RBMXL3: variants seen among roughly 807,000 people sequenced by gnomAD.
The protein encoded by RBMXL3 is RBMX like 3, also known as RNA-binding motif protein, X-linked-like-3.
A neutral mutation model predicts 0.8 loss-of-function variants in RBMXL3; 2 were observed. That is an observed-to-expected ratio of 2.54 (90% CI 1.04 to 8.00). RBMXL3 has a LOEUF of 8.00. Ranked by LOEUF, RBMXL3 falls within the 30% of genes most tolerant of loss-of-function variation. The pLI, the probability that RBMXL3 is intolerant of heterozygous loss-of-function variation, is 0.04. For missense variants in RBMXL3, 1,127 were observed against 1,068.0 expected (o/e 1.06, Z -0.77); for synonymous variants, 447 against 449.8 (o/e 0.99, Z 0.08).
chrX:115,191,896 G>A lies in RBMXL3; in HGVS notation c.2455G>A (p.Glu819Lys), dbSNP rs781895062. ...CCCCTGCAGAGGAGGAGGCCGCTAC[G>A]AGGAGAACCGAGGTCACTCTCTCGA... The part of the protein sequence containing the change: ...NDPCRGGGRY[E>K]ENRGHSLDAN... The change falls in exon 1 of 1, where the codon GAG becomes AAG. Residue 819 changes from glutamate to lysine, a missense_variant. Coordinates refer to ENST00000424776, the MANE Select transcript of RBMXL3 (RefSeq NM_001145346.2). 1.4e-5 allele frequency: 16 copies of A among 1,165,414 alleles called. No individual in the cohort carries two copies. Among genetic ancestry groups the A allele is most frequent in the Middle Eastern group, 2.3e-4 (1 of 4,299 alleles).
rs1457591766 is a variant in RBMXL3 at position 115,192,211 on chromosome X, T to C, written c.2770T>C (p.Tyr924His). The C allele has an allele frequency of 8.6e-7, 1 of 1,159,522 alleles. No individual in the cohort carries two copies. The highest frequency in any genetic ancestry group is 1.9e-5 in the African/African-American group (1 of 53,612). ...ATACCAAGGCCGCTCGCCCAATGCC[T>C]ACGGCGGGGGCCGCGGCCTCAACAG... ...EEYQGRSPNA[Y>H]GGGRGLNSSN... Residue 924 changes from tyrosine (Y) to histidine (H), a missense_variant, in exon 1 of 1, where the codon TAC becomes CAC. Tyr to His is a moderately conservative substitution (Grantham distance 83). Coordinates refer to ENST00000424776, the MANE Select transcript of RBMXL3 (RefSeq NM_001145346.2).
Position 115,191,214 on chromosome X carries a change from C to T in RBMXL3, c.1773C>T (p.Tyr591=), listed in dbSNP as rs782337296. Residue 591 remains tyrosine (Y), a synonymous_variant, in exon 1 of 1, where the codon TAC becomes TAT. Coordinates refer to ENST00000424776, the MANE Select transcript of RBMXL3 (RefSeq NM_001145346.2). ...QSNRYGGGGC[Y]EEYRGRSLDA... is the part of the protein sequence containing the mutation. ...ACCGCTACGGAGGAGGAGGCTGCTA[C>T]GAGGAGTACCGAGGCCGCTCCCTCG... The T allele has an allele frequency of 5.8e-5, 66 of 1,146,409 alleles. No homozygotes were observed. In the South Asian group the frequency reaches 6.4e-4, roughly 11 times the overall value. The allele number at this position is 1,146,409 out of a possible 1,213,427, so 94.5% of individuals were successfully genotyped here.
At position 115,189,760 on chromosome X, in the gene RBMXL3, T is replaced by G; in HGVS notation, c.319T>G (p.Phe107Val). The change falls in exon 1 of 1, where the codon TTC becomes GTC. Residue 107 changes from phenylalanine (F) to valine (V), a missense_variant. Coordinates refer to ENST00000424776, the MANE Select transcript of RBMXL3 (RefSeq NM_001145346.2). Reference protein sequence around the residue: ...PTPGSGSRSRFSHRTRGGGSS... With the variant: ...PTPGSGSRSRVSHRTRGGGSS... ...CCCCGGCAGCGGCAGTCGCTCAAGG[T>G]TCTCACACAGAACCCGTGGGGGTGG... 8.6e-7 allele frequency: 1 copy of G among 1,166,640 alleles called. No homozygotes were observed. The highest frequency in any genetic ancestry group is 2.6e-5 in the Admixed American group (1 of 38,814).
chrX:115,192,331 C>T lies in RBMXL3; in HGVS notation c.2890C>T (p.Arg964Cys), dbSNP rs782029539. The T allele has an allele frequency of 4.2e-5, 45 of 1,079,756 alleles. No individual in the cohort carries two copies. The highest frequency in any genetic ancestry group is 3.7e-4 in the African/African-American group (20 of 53,656). The allele number at this position is 1,079,756 out of a possible 1,213,427, so 89.0% of individuals were successfully genotyped here. The change falls in exon 1 of 1, where the codon CGC becomes TGC. Residue 964 changes from arginine (R) to cysteine (C), a missense_variant. Transcript: ENST00000424776. Reference protein sequence around the residue: ...GPSPDAHSGGRDSSIKSYGLS... With the variant: ...GPSPDAHSGGCDSSIKSYGLS... Reference sequence around the variant, plus strand: ...CTCGCCTGACGCCCACAGTGGGGGCCGCGACAGTTCCATCAAGAGTTACGG... The same window carrying T: ...CTCGCCTGACGCCCACAGTGGGGGCTGCGACAGTTCCATCAAGAGTTACGG...
rs1343663563 is a variant in RBMXL3, at chrX:115,189,673, G to A, written c.232G>A (p.Ala78Thr). Residue 78 changes from alanine to threonine, a missense_variant, in exon 1 of 1, where the codon GCC becomes ACC. Coordinates refer to ENST00000424776, the MANE Select transcript of RBMXL3 (RefSeq NM_001145346.2). ...GAACGGCAAGTACCTGGATGGTAAGGCCATCATGGTGGCCCAGACCATCAA... is the reference window on the plus strand; with the variant it reads ...GAACGGCAAGTACCTGGATGGTAAGACCATCATGGTGGCCCAGACCATCAA... The part of the protein sequence containing the change: ...DMNGKYLDGK[A>T]IMVAQTIKPA... The A allele has an allele frequency of 3.4e-6, 4 of 1,167,332 alleles. No homozygotes were observed. The highest frequency in any genetic ancestry group is 4.6e-6 in the Non-Finnish European group (4 of 873,118).
Position 115,190,774 on chromosome X carries a change from A to G in RBMXL3, c.1333A>G (p.Arg445Gly), listed in dbSNP as rs1556558124. The change falls in exon 1 of 1, where the codon AGG (arginine) becomes GGG (glycine). Residue 445 changes from arginine to glycine, a missense_variant. Coordinates refer to ENST00000424776, the MANE Select transcript of RBMXL3 (RefSeq NM_001145346.2). ...SGGRSTDAHS[R>G]GRSDDAYSGG... ...GGGCCGCTCCACTGATGCCCACAGC[A>G]GGGGCCGGTCCGACGACGCCTACAG... The G allele has an allele frequency of 2.6e-6, 3 of 1,163,721 alleles. No homozygotes were observed. The highest frequency in any genetic ancestry group is 3.4e-6 in the Non-Finnish European group (3 of 871,733).
Position 115,191,087 on chromosome X carries a change from G to A in RBMXL3, c.1646G>A (p.Gly549Glu), listed in dbSNP as rs1569515868. Reference sequence around the variant, plus strand: ...TACGGCCAGAGCCACCGCTATGGAGGAGAAGGCCGCTATGAGTACCGAGGC... The same window carrying A: ...TACGGCCAGAGCCACCGCTATGGAGAAGAAGGCCGCTATGAGTACCGAGGC... Reference protein sequence around the residue: ...NSYGQSHRYGGEGRYEYRGRS... With the variant: ...NSYGQSHRYGEEGRYEYRGRS... Residue 549 changes from glycine to glutamate, a missense_variant, in exon 1 of 1, where the codon GGA becomes GAA. Coordinates refer to ENST00000424776, the MANE Select transcript of RBMXL3 (RefSeq NM_001145346.2). 2 of 1,166,297 alleles carry A rather than the reference G, an allele frequency of 1.7e-6. No homozygotes were observed. The highest frequency in any genetic ancestry group is 2.3e-6 in the Non-Finnish European group (2 of 872,696).
In RBMXL3 at chrX:115,190,863, C is replaced by A; in HGVS notation, c.1422C>A (p.Tyr474Ter). ...GAGGAGGAGGCCGTTATGAGGAGTA[C>A]CAAGGCCGCTCGCTGGATGCCAACA... ...CCGGGGRYEE[Y>*]QGRSLDANSG... Residue 474 changes from tyrosine to a stop codon, truncating the protein, a stop_gained, in exon 1 of 1, where the codon TAC (tyrosine) becomes TAA (stop). Transcript: ENST00000424776. LOFTEE classifies it low-confidence loss of function (END_TRUNC). The A allele has an allele frequency of 8.6e-7, 1 of 1,156,415 alleles. No individual in the cohort carries two copies. The highest frequency in any genetic ancestry group is 1.2e-6 in the Non-Finnish European group (1 of 866,671).
Position 115,189,467 on chromosome X carries a change from A to C in RBMXL3, c.26A>C (p.Lys9Thr). MMEADRPEKLFIGGLNLKT... is the reference protein window; with the variant it reads MMEADRPETLFIGGLNLKT... The stretch of plus-strand genomic sequence containing the variant: ...ATGATGGAAGCGGATCGCCCAGAGA[A>C]GCTTTTCATTGGGGGCCTCAACCTC... The change falls in exon 1 of 1, where the codon AAG (lysine) becomes ACG (threonine). Residue 9 changes from lysine to threonine, a missense_variant. Lys to Thr is a moderately conservative substitution (Grantham distance 78). Coordinates refer to ENST00000424776, the MANE Select transcript of RBMXL3 (RefSeq NM_001145346.2). 1 of 1,177,181 alleles carries C rather than the reference A, an allele frequency of 8.5e-7. No individual in the cohort carries two copies. Among genetic ancestry groups the C allele is most frequent in the Non-Finnish European group, 1.1e-6 (1 of 877,370 alleles).
Position 115,192,161 on chromosome X carries a change from A to T in RBMXL3, c.2720A>T (p.Tyr907Phe). ...AACAGCTATGGCCGGAGTGACCATT[A>T]CGGAAGAGGAGGCTGCTACGAGGAA... Reference protein sequence around the residue: ...FSNSYGRSDHYGRGGCYEEYQ... With the variant: ...FSNSYGRSDHFGRGGCYEEYQ... The change falls in exon 1 of 1, where the codon TAC becomes TTC. Residue 907 changes from tyrosine (Y) to phenylalanine (F), a missense_variant. By Grantham distance (22) the Tyr-to-Phe change is conservative (BLOSUM62 3). Transcript: ENST00000424776. 1 of 1,166,826 alleles carries T rather than the reference A, an allele frequency of 8.6e-7. No homozygotes were observed. Among genetic ancestry groups the T allele is most frequent in the Non-Finnish European group, 1.1e-6 (1 of 872,846 alleles).
chrX:115,191,989 G>A lies in RBMXL3; in HGVS notation c.2548G>A (p.Asp850Asn), dbSNP rs938724156. The A allele has an allele frequency of 2.7e-5, 31 of 1,154,464 alleles. No individual in the cohort carries two copies. Among genetic ancestry groups the A allele is most frequent in the African/African-American group, 3.8e-5 (2 of 52,736 alleles). Reference sequence around the variant, plus strand: ...CCGTGACAGTTCCAGCAACAGTTACGACCGGAGCCACCGCTATGGAGGAGG... The same window carrying A: ...CCGTGACAGTTCCAGCAACAGTTACAACCGGAGCCACCGCTATGGAGGAGG... Reference protein sequence around the residue: ...GGRDSSSNSYDRSHRYGGGGH... With the variant: ...GGRDSSSNSYNRSHRYGGGGH... Residue 850 changes from aspartate (D) to asparagine (N), a missense_variant, in exon 1 of 1, where the codon GAC (aspartate) becomes AAC (asparagine). By Grantham distance (23) the Asp-to-Asn change is conservative. Transcript: ENST00000424776.
Position 115,192,507 on chromosome X carries a change from T to A in RBMXL3, c.3066T>A (p.Asp1022Glu). 8.5e-7 allele frequency: 1 copy of A among 1,169,863 alleles called. No homozygotes were observed. The highest frequency in any genetic ancestry group is 1.1e-6 in the Non-Finnish European group (1 of 874,398). ...SRGRDRVGRP[D>E]RGLPLPMETG... ...GTCGAGACCGGGTAGGCAGACCGGA[T>A]CGTGGGCTCCCTCTGCCCATGGAAA... The change falls in exon 1 of 1, where the codon GAT becomes GAA. Residue 1022 changes from aspartate (D) to glutamate (E), a missense_variant. Physicochemically the swap from Asp to Glu is conservative, Grantham distance 45. Coordinates refer to ENST00000424776, the MANE Select transcript of RBMXL3 (RefSeq NM_001145346.2).
rs56309245 is a variant in RBMXL3 at position 115,190,760 on chromosome X, C to T, written c.1319C>T (p.Thr440Ile). ...GAGGCCCGCAGCGGGGGCCGCTCCA[C>T]TGATGCCCACAGCAGGGGCCGGTCC... ...SHEARSGGRSTDAHSRGRSDD... is the reference protein window; with the variant it reads ...SHEARSGGRSIDAHSRGRSDD... The change falls in exon 1 of 1, where the codon ACT (threonine) becomes ATT (isoleucine). Residue 440 changes from threonine (T) to isoleucine (I), a missense_variant. Transcript: ENST00000424776. 8.7e-7 allele frequency: 1 copy of T among 1,153,941 alleles called. No homozygotes were observed.
At position 115,192,646 on chromosome X, in the gene RBMXL3, G is replaced by A. The variant is rs896220757; in HGVS notation, c.*1G>A. ...GGGGGAAGGCCGGAGCAGATACTAAGCAGGAACAGACTTGGGCCCAAAAAT... is the reference window on the plus strand; with the variant it reads ...GGGGGAAGGCCGGAGCAGATACTAAACAGGAACAGACTTGGGCCCAAAAAT... On this transcript the variant is annotated 3_prime_UTR_variant, in exon 1 of 1. Transcript: ENST00000424776. 4 of 1,167,928 alleles carry A rather than the reference G, an allele frequency of 3.4e-6. No homozygotes were observed. Among genetic ancestry groups the A allele is most frequent in the South Asian group, 1.9e-5 (1 of 52,772 alleles).
Position 115,190,539 on chromosome X carries a change from T to C in RBMXL3, c.1098T>C (p.Tyr366=), listed in dbSNP as rs1207448089. The change falls in exon 1 of 1, where the codon TAT becomes TAC. Residue 366 remains tyrosine, a synonymous_variant. Coordinates refer to ENST00000424776, the MANE Select transcript of RBMXL3 (RefSeq NM_001145346.2). ...AYSRDHSPKA[Y]SGGRSSSSNG... ...GCAGGGACCACTCGCCCAAAGCCTA[T>C]AGTGGGGGCCGCAGCAGTTCCAGTA... 7.3e-5 allele frequency: 84 copies of C among 1,155,513 alleles called. No individual in the cohort carries two copies. Among genetic ancestry groups the C allele is most frequent in the Non-Finnish European group, 9.0e-5 (78 of 867,970 alleles).
chrX:115,189,646 A>C lies in RBMXL3; in HGVS notation c.205A>C (p.Met69Leu). Residue 69 changes from methionine (M) to leucine (L), a missense_variant, in exon 1 of 1, where the codon ATG becomes CTG. Coordinates refer to ENST00000424776, the MANE Select transcript of RBMXL3 (RefSeq NM_001145346.2). Reference sequence around the variant, plus strand: ...AGACGCCAAGGCTGCCGCCAGAGATATGAACGGCAAGTACCTGGATGGTAA... The same window carrying C: ...AGACGCCAAGGCTGCCGCCAGAGATCTGAACGGCAAGTACCTGGATGGTAA... ...PADAKAAARD[M>L]NGKYLDGKAI... 1 of 1,168,754 alleles carries C rather than the reference A, an allele frequency of 8.6e-7. No individual in the cohort carries two copies. The highest frequency in any genetic ancestry group is 1.1e-6 in the Non-Finnish European group (1 of 873,339).
At position 115,189,477 on chromosome X, in the gene RBMXL3, T is replaced by TG; in HGVS notation, c.41dup (p.Leu15ProfsTer63). 1.7e-6 allele frequency: 2 copies of TG among 1,179,408 alleles called. No homozygotes were observed. The highest frequency in any genetic ancestry group is 2.3e-6 in the Non-Finnish European group (2 of 878,497). On this transcript the variant is annotated frameshift_variant, in exon 1 of 1. Transcript: ENST00000424776. LOFTEE classifies it low-confidence loss of function (END_TRUNC). ...CGGATCGCCCAGAGAAGCTTTTCAT[T>TG]GGGGGCCTCAACCTCAAAACCGACG...
At position 115,190,086 on chromosome X, in the gene RBMXL3, C is replaced by T. The variant is rs1556556786; in HGVS notation, c.645C>T (p.Arg215=). 19 of 1,154,384 alleles carry T rather than the reference C, an allele frequency of 1.6e-5. No homozygotes were observed. Among genetic ancestry groups the T allele is most frequent in the Non-Finnish European group, 2.2e-5 (19 of 865,578 alleles). ...CTGTGCCCCGGTCAAGCCTGGCTCGCATTGGCGGCAGTGGAATGCCTGGGA... is the reference window on the plus strand; with the variant it reads ...CTGTGCCCCGGTCAAGCCTGGCTCGTATTGGCGGCAGTGGAATGCCTGGGA... ...KRAVPRSSLA[R]IGGSGMPGKA... Residue 215 remains arginine (R), a synonymous_variant, in exon 1 of 1, where the codon CGC becomes CGT. Transcript: ENST00000424776.
rs782550260 is a variant in RBMXL3 at position 115,189,852 on chromosome X, C to T, written c.411C>T (p.Phe137=). The change falls in exon 1 of 1, where the codon TTC becomes TTT. Residue 137 remains phenylalanine, a synonymous_variant. Coordinates refer to ENST00000424776, the MANE Select transcript of RBMXL3 (RefSeq NM_001145346.2). ...ACGGCCGCGGCTACGCGGGGTATTT[C>T]GACCTGTGGCCCTACAGGGCCCCGA... is the stretch of plus-strand genomic sequence containing the variant. ...PDDGRGYAGY[F]DLWPYRAPMP... 4 of 1,165,976 alleles carry T rather than the reference C, an allele frequency of 3.4e-6. No homozygotes were observed. The highest frequency in any genetic ancestry group is 3.8e-5 in the South Asian group (2 of 52,694).
Sources: allele counts gnomAD v4.1 joint callset, GRCh38; gene constraint gnomAD v4.1.1; transcripts MANE v1.5; gene names NCBI Gene and HGNC (gene_info 2026-07-23, HGNC 2026-07-21).